The following GSR variants were observed in gnomAD, a reference collection of about 807,000 sequenced individuals.
GSR encodes glutathione-disulfide reductase, also known as glutathione reductase, mitochondrial.
In GSR, 48 loss-of-function variants were observed where a neutral mutation model predicts 56.5. That is an observed-to-expected ratio of 0.85 (90% CI 0.67 to 1.08). The LOEUF (loss-of-function observed/expected upper bound fraction) is 1.08. Ranked by LOEUF, GSR falls within the 50% of genes least tolerant of loss-of-function variation. The pLI is 0.00. For missense variants in GSR, 694 were observed against 703.3 expected, an observed-to-expected ratio of 0.99 and a Z score of 0.15; for synonymous variants, 264 against 270.8, an observed-to-expected ratio of 0.97 and a Z score of 0.25.
intron 9 of GSR, among the ~76,000 whole-genome samples, chr8:30,686,560 G>A (rs926459633): frequency 6.6e-6 from 1 of 152,020 alleles, no homozygotes; most frequent in Admixed American, 6.6e-5. Flanking sequence ...GGTGGACCAC[G>A]CCTGTAGTTC....
At chr8:30,709,947 A>C (rs1323546380) in intron 2 of GSR, 45 bp from the exon 3 acceptor site, 1 of 1,027,952 alleles carries the variant, frequency 9.7e-7, no homozygotes, top group African/African-American at 1.6e-5. Flanking sequence ...GCAGTAAATC[A>C]GTCCTGAGGG....
At position 30,679,863 on chromosome 8, in the gene GSR, G is replaced by A. The variant is rs532637744; in HGVS notation, c.1420-194C>T. 2.3e-3 allele frequency among the ~76,000 whole-genome samples: 347 copies of A among 151,762 alleles called. 2 individuals carry two copies. Among genetic ancestry groups the A allele is most frequent in the Non-Finnish European group, 3.7e-3 (251 of 67,938 alleles). ...TGGGATTACAGGCGCGCACCACCACGCCTGGCTAATTTTGTATTTTTAGCA... is the reference window on the plus strand; with the variant it reads ...TGGGATTACAGGCGCGCACCACCACACCTGGCTAATTTTGTATTTTTAGCA... On this transcript the variant is annotated intron_variant, in intron 12 of 12. Transcript: ENST00000221130.
intron 10 of GSR, 40 bp downstream of exon 10, chr8:30,684,048 C>T (rs1313747040): frequency 9.8e-7 from 1 of 1,018,726 alleles, no homozygotes; most frequent in Non-Finnish European, 1.6e-6. Context: ...GATCATGTAA[C>T]ACGCAGACCC....
chr8:30,720,481 A>G (rs898621854), intron 1 of GSR, among the ~76,000 whole-genome samples: 1 of 152,206 alleles, frequency 6.6e-6, no homozygotes, highest in African/African-American at 2.4e-5. Flanking sequence ...TGACTTAAAC[A>G]GATAAAGATC....
intron 10 of GSR, among the ~76,000 whole-genome samples, chr8:30,683,352 A>C (rs777114254): frequency 1.3e-5 from 2 of 152,146 alleles, no homozygotes; most frequent in African/African-American, 4.8e-5. Context: ...ATCGCTGATG[A>C]GGTTCTAGGT....
chr8:30,724,875 A>G (rs776778393), intron 1 of GSR, among the ~76,000 whole-genome samples: 44 of 152,268 alleles, frequency 2.9e-4, no homozygotes, highest in South Asian at 2.1e-4. Context: ...GTAAATCTAC[A>G]TTTTACATAA....
intron 1 of GSR, among the ~76,000 whole-genome samples, chr8:30,714,526 T>A (rs1456289225): frequency 6.6e-6 from 1 of 151,674 alleles, no homozygotes; most frequent in East Asian, 1.9e-4. Context: ...AAATAAAAAA[T>A]ATTTTTCTAA....
intron 10 of GSR, among the ~76,000 whole-genome samples, chr8:30,682,834 A>ATT (rs749804906): frequency 6.9e-6 from 1 of 144,828 alleles, no homozygotes; most frequent in African/African-American, 2.5e-5. Context: ...TTATATTATT[A>ATT]TTTTTTTTTT....
At chr8:30,697,211 C>T (rs578114974) in intron 6 of GSR, among the ~76,000 whole-genome samples, 207 of 151,990 alleles carry the variant, frequency 1.4e-3, no homozygotes, top group South Asian at 2.7e-3. Context: ...GTCAGGAGTT[C>T]GAGACCAATC....
rs187859512 is a variant in GSR at position 30,701,022 on chromosome 8, C to G, written c.641-887G>C. On this transcript the variant is annotated intron_variant, in intron 5 of 12. Transcript: ENST00000221130. ...GGCTTCAAACTTAGTCTATTTAGAACTGAACCTTAATTTTATCTTCCAACC... is the reference window on the plus strand; with the variant it reads ...GGCTTCAAACTTAGTCTATTTAGAAGTGAACCTTAATTTTATCTTCCAACC... 2.4e-3 allele frequency among the ~76,000 whole-genome samples: 372 copies of G among 152,228 alleles called. 3 individuals are homozygous for G. The highest frequency in any genetic ancestry group is 4.5e-3 in the Non-Finnish European group (303 of 68,020).
chr8:30,717,512 T>A (rs1804375513), intron 1 of GSR, among the ~76,000 whole-genome samples: 1 of 152,130 alleles, frequency 6.6e-6, no homozygotes, highest in African/African-American at 2.4e-5. Context: ...CTGCTCCCCG[T>A]CGCTAGCATT....
At chr8:30,712,466 A>G (rs1276433961) in intron 1 of GSR, among the ~76,000 whole-genome samples, 1 of 152,176 alleles carries the variant, frequency 6.6e-6, no homozygotes, top group African/African-American at 2.4e-5. Flanking sequence ...GGATTGCTTA[A>G]GCCCATGAAT....
chr8:30,719,950 G>A (rs2551701), intron 1 of GSR, among the ~76,000 whole-genome samples: 116,479 of 151,978 alleles, frequency 0.77, 49,128 homozygotes, highest in Non-Finnish European at 0.94. Flanking sequence ...GGTGGCTCAC[G>A]CTGTAATCCC....
At chr8:30,684,928 CATTTATTT>C (rs57141426) in intron 9 of GSR, among the ~76,000 whole-genome samples, 36,968 of 133,424 alleles carry the variant, frequency 0.28, 5,350 homozygotes, top group African/African-American at 0.32. Flanking sequence ...TTTTAACATA[CATTTATTT>C]ATTTATTTAT....
intron 1 of GSR, among the ~76,000 whole-genome samples, chr8:30,712,665 G>A (rs983691778): frequency 1.3e-5 from 2 of 152,116 alleles, no homozygotes; most frequent in African/African-American, 4.8e-5. Flanking sequence ...GGGTGACACT[G>A]AAAGACTCTG....
chr8:30,724,541 C>A (rs963148754), intron 1 of GSR, among the ~76,000 whole-genome samples: 6 of 117,622 alleles, frequency 5.1e-5, no homozygotes, highest in South Asian at 5.7e-4. Context: ...CCCAACCCCC[C>A]ACCTTTTTTT....
chr8:30,696,559 A>T, intron 6 of GSR, 80 bp from the exon 7 acceptor site: 1 of 944,782 alleles, frequency 1.1e-6, no homozygotes, highest in South Asian at 1.3e-5. Flanking sequence ...AGTTGCAGAG[A>T]TAGTACAGAG....
chr8:30,697,434 C>A (rs1473303293), intron 6 of GSR, among the ~76,000 whole-genome samples: 1 of 149,980 alleles, frequency 6.7e-6, no homozygotes, highest in African/African-American at 2.4e-5. Flanking sequence ...AACAAACAAA[C>A]AAACAAACAA....
At chr8:30,722,081 G>A (rs998423805) in intron 1 of GSR, among the ~76,000 whole-genome samples, 12 of 152,006 alleles carry the variant, frequency 7.9e-5, no homozygotes, top group African/African-American at 2.7e-4. Context: ...TAGACACCCT[G>A]AAGGATTCAG....
Sources: gnomAD v4.1 joint callset for allele counts (sites outside exome capture counted in the v4.1 genomes callset) on GRCh38, gnomAD v4.1.1 for gene constraint, MANE v1.5 for transcripts, NCBI Gene and HGNC (gene_info 2026-07-23, HGNC 2026-07-21) for gene names.